Variants in DOCK5 observed in about 807,000 individuals in gnomAD.
DOCK5 encodes the protein dedicator of cytokinesis protein 5.
Under a neutral mutation model 251.8 loss-of-function variants are expected in DOCK5, and 142 were observed. The observed-to-expected ratio is 0.56, with a 90% CI of 0.49 to 0.65. The LOEUF (loss-of-function observed/expected upper bound fraction) is 0.65, where lower values mean the gene tolerates loss of function less well. DOCK5 is among the 30% of genes least tolerant of loss of function. The pLI is 0.00. For synonymous variants in DOCK5, 842 were observed against 835.5 expected (o/e 1.01, Z -0.13); for missense variants, 2,111 against 2,312.3 (o/e 0.91, Z 1.79).
chr8:25,215,529 T>G (rs1446584176), intron 1 of DOCK5, among the ~76,000 whole-genome samples: 2 of 152,000 alleles, frequency 1.3e-5, no homozygotes, highest in African/African-American at 4.8e-5. Context: ...ACAGTTGCCA[T>G]TTATTGTGAA....
chr8:25,412,145 C>T lies in DOCK5; in HGVS notation c.*847C>T, dbSNP rs1168970596. On this transcript the variant is annotated 3_prime_UTR_variant, in exon 52 of 52. Transcript: ENST00000276440. ...AGCGCAAATCACTGGCTACAAGGGACTTACCAGTCTGGATTCAGCAGTTTC... is the reference window on the plus strand; with the variant it reads ...AGCGCAAATCACTGGCTACAAGGGATTTACCAGTCTGGATTCAGCAGTTTC... The T allele has an allele frequency of 8.0e-6, 1 of 125,308 alleles. No homozygotes were observed. The highest frequency in any genetic ancestry group is 1.6e-5 in the Non-Finnish European group (1 of 64,038). The allele number at this position is 125,308 out of a possible 1,614,324, so 7.8% of individuals were successfully genotyped here. A position where few individuals can be genotyped will look rare whatever the true frequency, so the allele number is the denominator to read the frequency against.
At position 25,243,753 on chromosome 8, in the gene DOCK5, C is replaced by T. The variant is rs756023582; in HGVS notation, c.123C>T (p.Tyr41=). ...IGDTVHILEM[Y]EGWYRGYTLQ... is the part of the protein sequence containing the mutation. ...ACACAGTTCACATCCTGGAGATGTA[C>T]GAGGGTAAGTCTGGCTGGCCTTCTG... Residue 41 remains tyrosine, a synonymous_variant, in exon 2 of 52, where the codon TAC becomes TAT. Transcript: ENST00000276440. The T allele has an allele frequency of 2.5e-6, 4 of 1,613,328 alleles. No homozygotes were observed. Among genetic ancestry groups the T allele is most frequent in the East Asian group, 2.2e-5 (1 of 44,868 alleles).
At chr8:25,392,735 A>G (rs1801282414) in intron 43 of DOCK5, 61 bp from the exon 44 acceptor site, 1 of 1,419,820 alleles carries the variant, frequency 7.0e-7, no homozygotes, top group Non-Finnish European at 9.8e-7. Context: ...GAATTGACCA[A>G]CATTTCATGT....
At chr8:25,199,683 A>G (rs973285055) in intron 1 of DOCK5, among the ~76,000 whole-genome samples, 3 of 152,130 alleles carry the variant, frequency 2.0e-5, no homozygotes, top group African/African-American at 7.2e-5. Context: ...ACGCCCAACC[A>G]ACTTCTGCTC....
chr8:25,406,524 A>G (rs1178990611), intron 48 of DOCK5, among the ~76,000 whole-genome samples: 1 of 152,210 alleles, frequency 6.6e-6, no homozygotes, highest in Non-Finnish European at 1.5e-5. Flanking sequence ...TTCCGTTGAT[A>G]TAGGTATATT....
At chr8:25,301,682 A>G (rs1158427636) in intron 9 of DOCK5, among the ~76,000 whole-genome samples, 1 of 141,640 alleles carries the variant, frequency 7.1e-6, no homozygotes, top group Non-Finnish European at 1.5e-5. Flanking sequence ...GCCAGCCTGG[A>G]TAACATAGGG....
Position 25,184,913 on chromosome 8 carries a change from C to T in DOCK5, c.5C>T (p.Ala2Val). ...CCGCGGGGCGAGGTCGCCGCCATGG[C>T]CCGCTGGATCCCGACCAAGAGGCAG... M[A>V]RWIPTKRQKY... The change falls in exon 1 of 52, where the codon GCC (alanine) becomes GTC (valine). Residue 2 changes from alanine to valine, a missense_variant. Physicochemically the swap from Ala to Val is moderately conservative, Grantham distance 64. Around this residue, in one of 3 missense-constraint regions of DOCK5, gnomAD observed 335 missense variants for 324.9 expected, o/e 1.03. Coordinates refer to ENST00000276440, the MANE Select transcript of DOCK5 (RefSeq NM_024940.8). 7.0e-7 allele frequency: 1 copy of T among 1,433,128 alleles called. No homozygotes were observed. The highest frequency in any genetic ancestry group is 1.5e-5 in the South Asian group (1 of 65,932). 88.8% of individuals were successfully genotyped at this position (1,433,128 alleles called of 1,614,324 possible). A position where few individuals can be genotyped will look rare whatever the true frequency, so the allele number is the denominator to read the frequency against.
In DOCK5 at chr8:25,308,802, A is replaced by G; in HGVS notation, c.1069A>G (p.Ile357Val). 2 of 1,613,878 alleles carry G rather than the reference A, an allele frequency of 1.2e-6. No individual in the cohort carries two copies. Among genetic ancestry groups the G allele is most frequent in the South Asian group, 1.1e-5 (1 of 91,078 alleles). The change falls in exon 12 of 52, where the codon ATC becomes GTC. Residue 357 changes from isoleucine to valine, a missense_variant. Physicochemically the swap from Ile to Val is conservative, Grantham distance 29 (BLOSUM62 3). Transcript: ENST00000276440. Reference protein sequence around the residue: ...PFQQIAMETYIRQRQLIMSPL... With the variant: ...PFQQIAMETYVRQRQLIMSPL... ...CCCAAGAATTGCGATGGAAACCTAC[A>G]TCCGCCAGAGGCAGCTCATCATGTC... is the stretch of plus-strand genomic sequence containing the variant.
At position 25,213,772 on chromosome 8, in the gene DOCK5, C is replaced by A. The variant is rs140510572; in HGVS notation, c.43+28821C>A. Among the ~76,000 whole-genome samples the A allele has an allele frequency of 1.7e-3, 258 of 152,258 alleles. 1 individual carries two copies. The highest frequency in any genetic ancestry group is 5.9e-3 in the African/African-American group (247 of 41,546). On this transcript the variant is annotated intron_variant, in intron 1 of 51. Coordinates refer to ENST00000276440, the MANE Select transcript of DOCK5 (RefSeq NM_024940.8). Reference sequence around the variant, plus strand: ...GTTCTTGGAAATGACTTTGGTGGAGCCTGACAGTTTTATGCTTCTTACTGT... The same window carrying A: ...GTTCTTGGAAATGACTTTGGTGGAGACTGACAGTTTTATGCTTCTTACTGT...
At chr8:25,390,885 T>C (rs1801245704) in intron 42 of DOCK5, among the ~76,000 whole-genome samples, 1 of 152,000 alleles carries the variant, frequency 6.6e-6, no homozygotes, top group African/African-American at 2.4e-5. Context: ...CTTGGCTCAC[T>C]GCAACTTCTG....
intron 11 of DOCK5, among the ~76,000 whole-genome samples, chr8:25,308,055 C>A (rs1804993949): frequency 6.6e-6 from 1 of 152,134 alleles, no homozygotes; most frequent in African/African-American, 2.4e-5. Context: ...AGAAAACTGG[C>A]CTACATGCAG....
intron 3 of DOCK5, among the ~76,000 whole-genome samples, chr8:25,269,675 T>A (rs1012499994): frequency 1.3e-5 from 2 of 151,120 alleles, no homozygotes; most frequent in Non-Finnish European, 2.9e-5. Flanking sequence ...TTTTAGGTCT[T>A]GTCAGCACTT....
intron 5 of DOCK5, among the ~76,000 whole-genome samples, chr8:25,285,435 A>G (rs186728495): frequency 4.8e-4 from 73 of 152,250 alleles, no homozygotes; most frequent in Non-Finnish European, 7.5e-4. Context: ...GTGAGCCACT[A>G]TGCCCAGCCA....
chr8:25,406,384 T>G (rs1801523683), intron 48 of DOCK5, among the ~76,000 whole-genome samples: 1 of 152,232 alleles, frequency 6.6e-6, no homozygotes, highest in Admixed American at 6.5e-5. Context: ...ATATAAGTTA[T>G]CAGTTGACTC....
At chr8:25,313,389 C>A (rs1805152755) in intron 13 of DOCK5, among the ~76,000 whole-genome samples, 1 of 152,172 alleles carries the variant, frequency 6.6e-6, no homozygotes, top group South Asian at 2.1e-4. Context: ...ACTCTGACCT[C>A]TCAGCAGCAT....
intron 1 of DOCK5, among the ~76,000 whole-genome samples, chr8:25,235,573 C>T (rs1196132934): frequency 1.3e-5 from 2 of 151,958 alleles, no homozygotes; most frequent in Admixed American, 6.6e-5. Flanking sequence ...TCTGTAATTT[C>T]GAATTGCCTT....
chr8:25,390,818 G>T (rs2709641), intron 42 of DOCK5, among the ~76,000 whole-genome samples: 4 of 149,060 alleles, frequency 2.7e-5, no homozygotes, highest in Non-Finnish European at 4.5e-5. Context: ...CTTTTTTTTT[G>T]TTTTTTTTTG....
chr8:25,375,577 C>G (rs1178037237), intron 37 of DOCK5: 1 of 586,484 alleles, frequency 1.7e-6, no homozygotes, highest in Non-Finnish European at 2.1e-6. Flanking sequence ...CCACCTTGGT[C>G]CATCCCGTAA....
intron 20 of DOCK5, among the ~76,000 whole-genome samples, chr8:25,333,152 G>A (rs1009124268): frequency 6.6e-6 from 1 of 152,206 alleles, no homozygotes; most frequent in Non-Finnish European, 1.5e-5. Flanking sequence ...ACAACCCATT[G>A]CAAGAATTGA....
Sources: gnomAD v4.1 joint callset for allele counts (sites outside exome capture counted in the v4.1 genomes callset) on GRCh38, gnomAD v4.1.1 for gene constraint, gnomAD v4.1.1 regional missense constraint, MANE v1.5 for transcripts, NCBI Gene and HGNC (gene_info 2026-07-23, HGNC 2026-07-21) for gene names.